The following ZNF503 variants were observed in gnomAD, a reference collection of about 807,000 sequenced individuals.
ZNF503 encodes zinc finger protein 503.
ZNF503 carries 15 observed loss-of-function variants against 34.4 expected under a neutral mutation model. The ratio of observed to expected loss-of-function variants is 0.44; its 90% CI spans 0.29 to 0.67. ZNF503 has a LOEUF of 0.67. ZNF503 is among the 30% of genes least tolerant of loss of function. ZNF503 has a pLI of 0.13. For missense variants in ZNF503, 1,007 were observed against 926.8 expected (o/e 1.09, Z -1.12); for synonymous variants, 580 against 456.8 (o/e 1.27, Z -3.44).
chr10:75,310,816 G>A, the ZNF503 span, among the ~76,000 whole-genome samples: 1 of 151,986 alleles, frequency 6.6e-6, no homozygotes, highest in African/African-American at 2.4e-5. Context: ...ATAATGACAT[G>A]GTGTTCCTCT....
the ZNF503 span, among the ~76,000 whole-genome samples, chr10:75,364,835 G>C: frequency 6.6e-6 from 1 of 152,220 alleles, no homozygotes; most frequent in Admixed American, 6.5e-5. Context: ...ATCTTGTGTG[G>C]TAAGATGGTG....
chr10:75,392,883 A>G (rs1339184403), downstream of ZNF503, among the ~76,000 whole-genome samples: 2 of 152,238 alleles, frequency 1.3e-5, no homozygotes, highest in Admixed American at 1.3e-4. Context: ...ACTTAATTTG[A>G]GCCTCACTAC....
At chr10:75,322,414 G>A in the ZNF503 span, among the ~76,000 whole-genome samples, 2 of 152,072 alleles carry the variant, frequency 1.3e-5, no homozygotes, top group African/African-American at 2.4e-5. Context: ...AAGCCACCAC[G>A]CCCGGCCCAC....
chr10:75,294,840 C>G, the ZNF503 span, among the ~76,000 whole-genome samples: 1 of 152,010 alleles, frequency 6.6e-6, no homozygotes, highest in African/African-American at 2.4e-5. Context: ...GGCCGCCTGT[C>G]AGGGTTCTAT....
At chr10:75,377,087 T>C in the ZNF503 span, among the ~76,000 whole-genome samples, 4 of 152,198 alleles carry the variant, frequency 2.6e-5, no homozygotes, top group Non-Finnish European at 5.9e-5. Context: ...ACCCCAGACC[T>C]ACTGAATAAG....
the ZNF503 span, among the ~76,000 whole-genome samples, chr10:75,389,327 G>T: frequency 6.6e-6 from 1 of 152,116 alleles, no homozygotes; most frequent in South Asian, 2.1e-4. Flanking sequence ...TTTCCCAGGG[G>T]TCTCCTCTTC....
chr10:75,302,075 T>G, the ZNF503 span, among the ~76,000 whole-genome samples: 5 of 152,240 alleles, frequency 3.3e-5, no homozygotes, highest in Non-Finnish European at 1.5e-5. Context: ...AATCTCAGTC[T>G]TTGTTTATCT....
chr10:75,321,221 G>A, the ZNF503 span, among the ~76,000 whole-genome samples: 1 of 152,148 alleles, frequency 6.6e-6, no homozygotes, highest in Admixed American at 6.6e-5. Context: ...CTCCCCAGAA[G>A]CTGAGTAGAT....
the ZNF503 span, among the ~76,000 whole-genome samples, chr10:75,315,975 A>G: frequency 1.3e-5 from 2 of 152,232 alleles, no homozygotes; most frequent in African/African-American, 2.4e-5. Context: ...TCAAGAGGCA[A>G]AGGTCATTAT....
the ZNF503 span, among the ~76,000 whole-genome samples, chr10:75,301,089 GGGATA>G: frequency 4.9e-4 from 75 of 152,122 alleles, no homozygotes; most frequent in African/African-American, 1.7e-3. Flanking sequence ...CTGTTTGCTT[GGGATA>G]TCTCTTCCTA....
chr10:75,400,109 C>T lies in ZNF503; in HGVS notation c.581G>A (p.Gly194Asp). The T allele has an allele frequency of 1.9e-6, 3 of 1,546,504 alleles. No individual in the cohort carries two copies. The highest frequency in any genetic ancestry group is 2.6e-6 in the Non-Finnish European group (3 of 1,146,008). Residue 194 changes from glycine (G) to aspartate (D), a missense_variant, in exon 2 of 2, where the codon GGC becomes GAC. Transcript: ENST00000372524. ...DKKEPGGGGGGGGGGGGGGGG... is the reference protein window; with the variant it reads ...DKKEPGGGGGDGGGGGGGGGG... ...GCCGCCGCCCCCGCCACCGCCACCG[C>T]CTCCACCGCCGCCTCCCGGCTCCTT...
the ZNF503 span, among the ~76,000 whole-genome samples, chr10:75,355,099 C>A: frequency 6.6e-6 from 1 of 152,140 alleles, no homozygotes; most frequent in Non-Finnish European, 1.5e-5. Context: ...CCCGCCTTGG[C>A]CCCCCAAAGT....
the ZNF503 span, among the ~76,000 whole-genome samples, chr10:75,307,114 T>G: frequency 2.0e-5 from 3 of 152,236 alleles, no homozygotes; most frequent in African/African-American, 7.2e-5. Context: ...TAGAAATGAT[T>G]TAGCTTAGTG....
chr10:75,372,848 C>T, the ZNF503 span, among the ~76,000 whole-genome samples: 23 of 152,288 alleles, frequency 1.5e-4, no homozygotes, highest in Non-Finnish European at 2.5e-4. Flanking sequence ...CCATTACAGC[C>T]CCCTTAGACT....
chr10:75,317,917 A>G, the ZNF503 span, among the ~76,000 whole-genome samples: 1 of 152,036 alleles, frequency 6.6e-6, no homozygotes, highest in African/African-American at 2.4e-5. Context: ...AATCTCTTGA[A>G]CCCAAGAAGT....
the ZNF503 span, chr10:75,283,306 C>T: frequency 6.6e-6 from 1 of 152,354 alleles, no homozygotes; most frequent in South Asian, 2.1e-4. Flanking sequence ...GCGGCTCTGT[C>T]CTGCCTGGCC....
At chr10:75,372,276 A>G in the ZNF503 span, among the ~76,000 whole-genome samples, 7 of 152,228 alleles carry the variant, frequency 4.6e-5, no homozygotes, top group African/African-American at 1.7e-4. Context: ...AAAGCAGCAC[A>G]TGTTCACTGT....
At chr10:75,366,215 T>C in the ZNF503 span, among the ~76,000 whole-genome samples, 2 of 152,216 alleles carry the variant, frequency 1.3e-5, no homozygotes, top group Non-Finnish European at 2.9e-5. Context: ...CTTTTGTATA[T>C]ACCATTGCTT....
the ZNF503 span, among the ~76,000 whole-genome samples, chr10:75,387,303 G>A: frequency 6.6e-6 from 1 of 152,174 alleles, no homozygotes; most frequent in Non-Finnish European, 1.5e-5. Context: ...TATTGGCTAG[G>A]GCTTTAGAAT....
Sources: allele counts gnomAD v4.1 joint callset (sites outside exome capture counted in the v4.1 genomes callset), GRCh38; gene constraint gnomAD v4.1.1; transcripts MANE v1.5; gene names NCBI Gene and HGNC (gene_info 2026-07-23, HGNC 2026-07-21).